RNF175: variants seen among roughly 807,000 people sequenced by gnomAD.
RNF175 encodes ring finger protein 175.
A neutral mutation model predicts 50.0 loss-of-function variants in RNF175; 38 were observed. The observed-to-expected ratio is 0.76, with a 90% confidence interval of 0.59 to 1.00. The LOEUF (loss-of-function observed/expected upper bound fraction) is 1.00. Ranked by LOEUF, RNF175 falls within the 50% of genes least tolerant of loss-of-function variation. The probability of loss-of-function intolerance (pLI) is 0.00; values close to 1 mark genes in which losing one functional copy is unlikely to be tolerated. For synonymous variants in RNF175, 155 were observed against 146.1 expected, an observed-to-expected ratio of 1.06 and a Z score of -0.44; for missense variants, 388 against 409.6, an observed-to-expected ratio of 0.95 and a Z score of 0.46.
intron 2 of RNF175, 66 bp from the exon 3 acceptor site, chr4:153,748,852 A>T: frequency 6.9e-7 from 1 of 1,438,936 alleles, no homozygotes; most frequent in South Asian, 1.4e-5. Context: ...AAAAAAAACA[A>T]AAAACAAAAA....
At chr4:153,753,451 C>A (rs1740396492) in intron 1 of RNF175, among the ~76,000 whole-genome samples, 1 of 152,168 alleles carries the variant, frequency 6.6e-6, no homozygotes, top group African/African-American at 2.4e-5. Context: ...GGCAGCATCA[C>A]CTCTAGATCC....
chr4:153,751,501 T>C (rs753174394), intron 1 of RNF175, 26 bp from the exon 2 acceptor site: 2 of 1,530,108 alleles, frequency 1.3e-6, no homozygotes, highest in South Asian at 1.2e-5. Flanking sequence ...AGGGCCCTTA[T>C]CAAAAAATGT....
At chr4:153,723,655 A>C (rs2118861) in intron 4 of RNF175, among the ~76,000 whole-genome samples, 197 bp from the exon 5 acceptor site, 45,973 of 152,054 alleles carry the variant, frequency 0.3, 7,351 homozygotes, top group South Asian at 0.48. Context: ...TATCATGCTC[A>C]TGTGTTTCTG....
chr4:153,737,012 T>C (rs960507824), intron 3 of RNF175, among the ~76,000 whole-genome samples: 3 of 152,056 alleles, frequency 2.0e-5, no homozygotes, highest in African/African-American at 4.8e-5. Flanking sequence ...GCACGTGCCA[T>C]GATGCCTGGC....
chr4:153,724,698 A>G (rs574082343), intron 4 of RNF175, among the ~76,000 whole-genome samples: 27 of 152,162 alleles, frequency 1.8e-4, no homozygotes, highest in Admixed American at 3.3e-4. Context: ...TAGGTGCTCT[A>G]TTTCACTGAG....
intron 6 of RNF175, among the ~76,000 whole-genome samples, chr4:153,716,135 T>C (rs1286614698): frequency 1.3e-5 from 2 of 151,542 alleles, no homozygotes; most frequent in Non-Finnish European, 2.9e-5. Flanking sequence ...CACCGTTTCC[T>C]GTAAGAAGAA....
chr4:153,753,556 C>T lies in RNF175; in HGVS notation c.67-2081G>A, dbSNP rs545359797. On this transcript the variant is annotated intron_variant, in intron 1 of 8. Transcript: ENST00000347063. ...GTTTTTATCTTTTCTCTCTCTCTCT[C>T]TCTCTTTTTTTTTTTCCCGAGGTGG... Among the ~76,000 whole-genome samples the T allele has an allele frequency of 7.5e-5, 11 of 146,702 alleles. No homozygotes were observed. The South Asian group carries it at 2.2e-3, about 30-fold the overall frequency.
intron 3 of RNF175, among the ~76,000 whole-genome samples, chr4:153,742,908 T>C (rs1276623126): frequency 2.0e-5 from 3 of 152,014 alleles, no homozygotes; most frequent in African/African-American, 7.2e-5. Flanking sequence ...TAAATTTCAC[T>C]ATGTAGCCCC....
At chr4:153,745,975 GT>G (rs1235802496) in intron 3 of RNF175, among the ~76,000 whole-genome samples, 1 of 152,208 alleles carries the variant, frequency 6.6e-6, no homozygotes, top group African/African-American at 2.4e-5. Flanking sequence ...CCAAATTCAT[GT>G]TTTTCTCACA....
At chr4:153,757,188 C>T (rs147066463) in intron 1 of RNF175, among the ~76,000 whole-genome samples, 51 of 152,302 alleles carry the variant, frequency 3.3e-4, no homozygotes, top group Admixed American at 1.6e-3. Flanking sequence ...GACACCCTTT[C>T]GGTGAGGCCC....
chr4:153,733,637 T>A (rs888419219), intron 3 of RNF175, among the ~76,000 whole-genome samples: 1 of 152,226 alleles, frequency 6.6e-6, no homozygotes, highest in African/African-American at 2.4e-5. Flanking sequence ...TCTCTACCCT[T>A]CAGTGAGGTT....
Position 153,751,461 on chromosome 4 carries a change from C to T in RNF175, c.81G>A (p.Lys27=), listed in dbSNP as rs1740286658. The T allele has an allele frequency of 6.4e-7, 1 of 1,558,756 alleles. No individual in the cohort carries two copies. The highest frequency in any genetic ancestry group is 8.7e-7 in the Non-Finnish European group (1 of 1,150,960). ...ACTTCCATGTGTCTTCTGCAGAAAGCTTTGTATGAGAGAGCTGAAAAACAT... is the reference window on the plus strand; with the variant it reads ...ACTTCCATGTGTCTTCTGCAGAAAGTTTTGTATGAGAGAGCTGAAAAACAT... ...PPQQEQLSHT[K]LSAEDTWNLQ... The change falls in exon 2 of 9, where the codon AAG becomes AAA. Residue 27 remains lysine (K), a synonymous_variant. Coordinates refer to ENST00000347063, the MANE Select transcript of RNF175 (RefSeq NM_173662.4).
chr4:153,750,891 C>T (rs548589715), intron 2 of RNF175, among the ~76,000 whole-genome samples: 1 of 152,142 alleles, frequency 6.6e-6, no homozygotes, highest in Non-Finnish European at 1.5e-5. Flanking sequence ...TGAGATTAAT[C>T]TATTAATCTG....
At chr4:153,736,920 C>T (rs1354972474) in intron 3 of RNF175, among the ~76,000 whole-genome samples, 2 of 152,132 alleles carry the variant, frequency 1.3e-5, no homozygotes, top group Admixed American at 1.3e-4. Context: ...AATGCAGTGG[C>T]ACAACCATAG....
At chr4:153,723,749 T>C (rs1027465891) in intron 4 of RNF175, among the ~76,000 whole-genome samples, 1 of 152,186 alleles carries the variant, frequency 6.6e-6, no homozygotes, top group African/African-American at 2.4e-5. Context: ...GAATGGTTAC[T>C]CTTCCTGGGA....
intron 3 of RNF175, among the ~76,000 whole-genome samples, chr4:153,737,982 T>C (rs1482451040): frequency 1.3e-5 from 2 of 152,258 alleles, no homozygotes; most frequent in Non-Finnish European, 2.9e-5. Flanking sequence ...GATGCTCTTT[T>C]GTTAGATGCA....
At chr4:153,717,115 A>T (rs999914635) in intron 6 of RNF175, among the ~76,000 whole-genome samples, 1 of 152,122 alleles carries the variant, frequency 6.6e-6, no homozygotes, top group Non-Finnish European at 1.5e-5. Context: ...CATTTATTTG[A>T]TATCAATGTG....
In RNF175 at chr4:153,715,605, A is replaced by G. The variant is rs1737862925; in HGVS notation, c.688T>C (p.Cys230Arg). The change falls in exon 7 of 9, where the codon TGT (cysteine) becomes CGT (arginine). Residue 230 changes from cysteine to arginine, a missense_variant. Coordinates refer to ENST00000347063, the MANE Select transcript of RNF175 (RefSeq NM_173662.4). ...AGCTCCACAATGATCTTCTGCCCACAGACTGCACAGATATTGTCCGATAAG... is the reference window on the plus strand; with the variant it reads ...AGCTCCACAATGATCTTCTGCCCACGGACTGCACAGATATTGTCCGATAAG... ...RSLSDNICAVCGQKIIVELDE... is the reference protein window; with the variant it reads ...RSLSDNICAVRGQKIIVELDE... 1 of 1,613,778 alleles carries G rather than the reference A, an allele frequency of 6.2e-7. No homozygotes were observed. Among genetic ancestry groups the G allele is most frequent in the East Asian group, 2.2e-5 (1 of 44,878 alleles).
chr4:153,753,542 TTCTCTCTC>T (rs35760802), intron 1 of RNF175, among the ~76,000 whole-genome samples: 1 of 147,732 alleles, frequency 6.8e-6, no homozygotes, highest in African/African-American at 2.5e-5. Context: ...TTTTTATCTT[TTCTCTCTC>T]TCTCTCTCTC....
Sources: allele counts gnomAD v4.1 joint callset (sites outside exome capture counted in the v4.1 genomes callset), GRCh38; gene constraint gnomAD v4.1.1; transcripts MANE v1.5; gene names NCBI Gene and HGNC (gene_info 2026-07-23, HGNC 2026-07-21).